Variants in NRG1 observed in about 807,000 individuals in gnomAD.
The protein encoded by NRG1 is neuregulin 1.
A neutral mutation model predicts 63.8 loss-of-function variants in NRG1; 18 were observed. The ratio of observed to expected loss-of-function variants is 0.28; its 90% CI spans 0.19 to 0.42. NRG1 has a LOEUF of 0.42. NRG1 is among the 10% of genes least tolerant of loss of function. The probability of loss-of-function intolerance (pLI) is 1.00; values close to 1 mark genes in which losing one functional copy is unlikely to be tolerated. For missense variants in NRG1, 762 were observed against 814.7 expected (o/e 0.94, Z 0.79); for synonymous variants, 302 against 301.3 (o/e 1.00, Z -0.02).
chr8:32,683,071 A>G (rs1175327867), intron 5 of NRG1, among the ~76,000 whole-genome samples: 4 of 152,214 alleles, frequency 2.6e-5, no homozygotes, highest in Non-Finnish European at 4.4e-5. Flanking sequence ...TATGCACAAC[A>G]AGAATTCTGA....
rs181922250 is a variant in NRG1, at chr8:32,535,024, T to G, written c.38-60804T>G. Among the ~76,000 whole-genome samples the G allele has an allele frequency of 2.9e-3, 440 of 152,334 alleles. 2 individuals are homozygous for G. The highest frequency in any genetic ancestry group is 0.01 in the African/African-American group (429 of 41,578). ...TTTTAATGAGGTTGGGAAACAGAGA[T>G]AAATTCACCTGGTCATAATCATATG... On this transcript the variant is annotated intron_variant, in intron 1 of 10. Transcript: ENST00000519301.
chr8:32,661,452 G>A (rs986965844), intron 5 of NRG1, among the ~76,000 whole-genome samples: 1 of 152,126 alleles, frequency 6.6e-6, no homozygotes, highest in African/African-American at 2.4e-5. Flanking sequence ...TCACAGAAGA[G>A]CCATTAACAT....
downstream of NRG1, among the ~76,000 whole-genome samples, chr8:32,771,715 A>AAAAAAAAAATAT (rs1343943621): frequency 2.3e-4 from 26 of 111,842 alleles, no homozygotes; most frequent in East Asian, 8.1e-4. Flanking sequence ...TTAAAAAAAA[A>AAAAAAAAAATAT]ATATATATAT....
At chr8:31,766,041 C>T (rs1818021486) in intron 1 of NRG1, among the ~76,000 whole-genome samples, 1 of 152,000 alleles carries the variant, frequency 6.6e-6, no homozygotes, top group African/African-American at 2.4e-5. Context: ...CAAGGAGGAA[C>T]ACGTATATTT....
At chr8:31,952,492 A>G (rs1803635206) in intron 1 of NRG1, among the ~76,000 whole-genome samples, 2 of 152,260 alleles carry the variant, frequency 1.3e-5, no homozygotes, top group South Asian at 4.1e-4. Context: ...CATGGCACTA[A>G]GTTAGGAAAA....
intron 1 of NRG1, among the ~76,000 whole-genome samples, chr8:31,871,420 T>C (rs531951991): frequency 2.0e-5 from 3 of 152,164 alleles, no homozygotes; most frequent in South Asian, 4.1e-4. Flanking sequence ...CTGCCCTCCC[T>C]TAGTCTCGCT....
chr8:32,751,904 T>C (rs1468087827), intron 7 of NRG1, among the ~76,000 whole-genome samples: 4 of 152,212 alleles, frequency 2.6e-5, no homozygotes, highest in African/African-American at 9.6e-5. Context: ...GTCCCAAGAA[T>C]CCCTGAGAGT....
intron 1 of NRG1, among the ~76,000 whole-genome samples, chr8:31,955,038 G>GT (rs1198078256): frequency 6.6e-6 from 1 of 152,060 alleles, no homozygotes; most frequent in African/African-American, 2.4e-5. Context: ...GAGAAAGAGA[G>GT]TAAGTGAGAT....
chr8:32,766,716 A>C (rs1247886364), exon 12 of NRG1: 1 of 152,184 alleles, frequency 6.6e-6, no homozygotes, highest in Non-Finnish European at 1.5e-5. Context: ...AATTGAAGAC[A>C]AGAGGAAATT....
chr8:32,266,665 G>A (rs1850970571), intron 1 of NRG1, among the ~76,000 whole-genome samples: 1 of 152,070 alleles, frequency 6.6e-6, no homozygotes, highest in Non-Finnish European at 1.5e-5. Context: ...AAAATACAGT[G>A]TATCTACAGT....
At chr8:31,812,296 G>A (rs1351019265) in intron 1 of NRG1, among the ~76,000 whole-genome samples, 1 of 152,178 alleles carries the variant, frequency 6.6e-6, no homozygotes, top group Non-Finnish European at 1.5e-5. Flanking sequence ...TAAAATACAA[G>A]TTGCTGGTTG....
At chr8:32,056,535 G>C (rs1314435426) in intron 1 of NRG1, among the ~76,000 whole-genome samples, 1 of 152,010 alleles carries the variant, frequency 6.6e-6, no homozygotes, top group East Asian at 1.9e-4. Flanking sequence ...TCCAGCCCTA[G>C]AATTACTCCC....
intron 1 of NRG1, among the ~76,000 whole-genome samples, chr8:31,943,502 A>C (rs1018759502): frequency 2.0e-5 from 3 of 151,480 alleles, no homozygotes; most frequent in African/African-American, 7.3e-5. Context: ...TCATGTAACC[A>C]ATCACCCCCT....
intron 1 of NRG1, among the ~76,000 whole-genome samples, chr8:32,491,973 T>A (rs915030274): frequency 1.3e-5 from 2 of 152,128 alleles, no homozygotes; most frequent in African/African-American, 2.4e-5. Context: ...AAATGTCAAG[T>A]CAAATATGCT....
chr8:31,766,643 T>C (rs1441687915), intron 1 of NRG1, among the ~76,000 whole-genome samples: 2 of 152,210 alleles, frequency 1.3e-5, no homozygotes, highest in Non-Finnish European at 2.9e-5. Context: ...AATTGTCCAA[T>C]TCATTTTTGG....
At chr8:32,329,912 C>A (rs1802436874) in intron 1 of NRG1, among the ~76,000 whole-genome samples, 1 of 151,702 alleles carries the variant, frequency 6.6e-6, no homozygotes, top group African/African-American at 2.4e-5. Context: ...CTCATTCTGT[C>A]ATCCAGGTTG....
At chr8:32,555,736 G>T (rs2129525496) in intron 1 of NRG1, among the ~76,000 whole-genome samples, 1 of 152,328 alleles carries the variant, frequency 6.6e-6, no homozygotes, top group Non-Finnish European at 1.5e-5. Flanking sequence ...CTCCCAAAGT[G>T]CTGGGATTAC....
At position 32,582,431 on chromosome 8, in the gene NRG1, A is replaced by T. The variant is rs1840838478; in HGVS notation, c.101-13397A>T. Among the ~76,000 whole-genome samples, 5 of 152,150 alleles carry T rather than the reference A, an allele frequency of 3.3e-5. 1 individual carries two copies. The South Asian group carries it at 1.0e-3, about 32-fold the overall frequency. Reference sequence around the variant, plus strand: ...CTATATTTTAGTTTCCTTTAATAACATGATCAGTTCCACCCATGAATTTAA... The same window carrying T: ...CTATATTTTAGTTTCCTTTAATAACTTGATCAGTTCCACCCATGAATTTAA... On this transcript the variant is annotated intron_variant, in intron 1 of 11. Coordinates refer to ENST00000356819, the Ensembl canonical transcript of NRG1.
chr8:32,006,086 C>A (rs545059409), intron 1 of NRG1, among the ~76,000 whole-genome samples: 11 of 152,058 alleles, frequency 7.2e-5, no homozygotes, highest in Admixed American at 7.2e-4. Context: ...CAATAACTAC[C>A]TAGAGAATAA....
Sources: allele counts gnomAD v4.1 joint callset (sites outside exome capture counted in the v4.1 genomes callset), GRCh38; gene constraint gnomAD v4.1.1; transcripts MANE v1.5; gene names NCBI Gene and HGNC (gene_info 2026-07-23, HGNC 2026-07-21).